Variants in ZYG11A observed in about 807,000 individuals in gnomAD.
ZYG11A encodes protein zyg-11 homolog A.
ZYG11A carries 62 observed loss-of-function variants against 77.2 expected under a neutral mutation model. The ratio of observed to expected loss-of-function variants is 0.80; its 90% CI spans 0.65 to 0.99. ZYG11A has a LOEUF of 0.99. Ranked by LOEUF, ZYG11A falls within the 50% of genes least tolerant of loss-of-function variation. ZYG11A has a pLI of 0.00. For synonymous variants in ZYG11A, 315 were observed against 324.6 expected (o/e 0.97, Z 0.32); for missense variants, 828 against 896.8 (o/e 0.92, Z 0.98).
intron 8 of ZYG11A, among the ~76,000 whole-genome samples, chr1:52,868,596 G>A (rs982448440): frequency 3.5e-4 from 53 of 151,914 alleles, no homozygotes; most frequent in Middle Eastern, 6.8e-3. Flanking sequence ...CTTGGACAAC[G>A]TGGTGAAACC....
intron 12 of ZYG11A, among the ~76,000 whole-genome samples, chr1:52,886,134 A>G (rs1001381547): frequency 6.6e-6 from 1 of 151,672 alleles, no homozygotes; most frequent in South Asian, 2.1e-4. Flanking sequence ...GGGTTTCACC[A>G]TGTTAGCCAG....
At chr1:52,869,708 A>G (rs1479177496) in intron 8 of ZYG11A, among the ~76,000 whole-genome samples, 1 of 151,658 alleles carries the variant, frequency 6.6e-6, no homozygotes, top group African/African-American at 2.4e-5. Context: ...CTCCTTTTCT[A>G]TTCCACAAAA....
At chr1:52,843,558 CCCCCGT>C (rs1300779248) in intron 1 of ZYG11A, among the ~76,000 whole-genome samples, 6 of 146,524 alleles carry the variant, frequency 4.1e-5, no homozygotes, top group African/African-American at 1.7e-4. Flanking sequence ...CGCGCGTCCG[CCCCCGT>C]CCCCGTCCCG....
At position 52,842,784 on chromosome 1, in the gene ZYG11A, G is replaced by A. The variant is rs1204458679; in HGVS notation, c.-100G>A. 3 of 1,158,378 alleles carry A rather than the reference G, an allele frequency of 2.6e-6. No individual in the cohort carries two copies. Among genetic ancestry groups the A allele is most frequent in the Non-Finnish European group, 3.7e-6 (3 of 819,008 alleles). 71.8% of individuals were successfully genotyped at this position (1,158,378 alleles called of 1,614,324 possible). A position where few individuals can be genotyped will look rare whatever the true frequency, so the allele number is the denominator to read the frequency against. On this transcript the variant is annotated 5_prime_UTR_variant, in exon 1 of 14. The change creates a new upstream start codon in the 5' untranslated region. Transcript: ENST00000371528. ...CGCTAGCTCCGTGTGCCTCGCAGGCGTGGTGGGCGCGTCCTGGCAGCCGCC... is the reference window on the plus strand; with the variant it reads ...CGCTAGCTCCGTGTGCCTCGCAGGCATGGTGGGCGCGTCCTGGCAGCCGCC...
At chr1:52,855,538 C>T (rs1400170104) in intron 2 of ZYG11A, among the ~76,000 whole-genome samples, 1 of 152,174 alleles carries the variant, frequency 6.6e-6, no homozygotes, top group Non-Finnish European at 1.5e-5. Flanking sequence ...AGAAAGAAAC[C>T]TTGTGCCCGT....
intron 8 of ZYG11A, among the ~76,000 whole-genome samples, chr1:52,875,755 G>T (rs1261943312): frequency 6.6e-6 from 1 of 151,066 alleles, no homozygotes; most frequent in African/African-American, 2.4e-5. Context: ...GAATAAAGAT[G>T]TTTGCTTTAG....
intron 13 of ZYG11A, among the ~76,000 whole-genome samples, chr1:52,888,608 T>C (rs973138514): frequency 6.6e-6 from 1 of 152,194 alleles, no homozygotes; most frequent in East Asian, 1.9e-4. Context: ...TCTGCCCGCC[T>C]CAGCCTCCCA....
chr1:52,870,033 C>CGGCT (rs1646122787), intron 8 of ZYG11A, among the ~76,000 whole-genome samples: 1 of 141,072 alleles, frequency 7.1e-6, no homozygotes, highest in African/African-American at 2.7e-5. Flanking sequence ...TCAGACGGGG[C>CGGCT]GGCCAGGCAG....
chr1:52,881,057 C>T (rs934760167), intron 10 of ZYG11A, among the ~76,000 whole-genome samples: 4 of 152,130 alleles, frequency 2.6e-5, no homozygotes, highest in South Asian at 4.1e-4. Context: ...TAAAAGATAA[C>T]GTAACATTGA....
At chr1:52,852,771 C>T (rs1437201705) in intron 1 of ZYG11A, among the ~76,000 whole-genome samples, 1 of 152,122 alleles carries the variant, frequency 6.6e-6, no homozygotes, top group Non-Finnish European at 1.5e-5. Flanking sequence ...TTTAAGACAC[C>T]TAAACTATCA....
chr1:52,850,750 G>A (rs1057084869), intron 1 of ZYG11A, among the ~76,000 whole-genome samples: 5 of 152,128 alleles, frequency 3.3e-5, no homozygotes, highest in Admixed American at 3.3e-4. Context: ...CACTATGTCT[G>A]GCCTGGTGTA....
In ZYG11A at chr1:52,857,360, C is replaced by G; in HGVS notation, c.619C>G (p.Leu207Val). The change falls in exon 3 of 14, where the codon CTG becomes GTG. Residue 207 changes from leucine to valine, a missense_variant. Coordinates refer to ENST00000371528, the MANE Select transcript of ZYG11A (RefSeq NM_001004339.3). Reference sequence around the variant, plus strand: ...GGCTAATGTTTCTCAGTTACCAAGACTGGAAAGCTTAGATATCTCTAATAC... The same window carrying G: ...GGCTAATGTTTCTCAGTTACCAAGAGTGGAAAGCTTAGATATCTCTAATAC... The part of the protein sequence containing the change: ...DLANVSQLPR[L>V]ESLDISNTLV... 6.4e-7 allele frequency: 1 copy of G among 1,551,768 alleles called. No individual in the cohort carries two copies. Among genetic ancestry groups the G allele is most frequent in the South Asian group, 1.2e-5 (1 of 84,042 alleles).
At chr1:52,886,475 G>A (rs1468079149) in intron 12 of ZYG11A, among the ~76,000 whole-genome samples, 2 of 152,000 alleles carry the variant, frequency 1.3e-5, no homozygotes, top group Admixed American at 6.6e-5. Flanking sequence ...TTGTATGCTC[G>A]GTCACAGGGA....
chr1:52,877,180 CTT>C lies in ZYG11A; in HGVS notation c.1543-498_1543-497del, dbSNP rs144016256. 7.9e-3 allele frequency among the ~76,000 whole-genome samples: 1,203 copies of C among 152,258 alleles called. 13 individuals are homozygous for C. The highest frequency in any genetic ancestry group is 0.027 in the African/African-American group (1,131 of 41,550). ...ATTTCTTACTGGGCTGGCTTATCCT[CTT>C]TTTCTTCTGGTCTCAGTTACATATT... On this transcript the variant is annotated intron_variant, in intron 8 of 13. Coordinates refer to ENST00000371528, the MANE Select transcript of ZYG11A (RefSeq NM_001004339.3).
At chr1:52,878,322 T>C (rs1320905714) in intron 10 of ZYG11A, among the ~76,000 whole-genome samples, 1 of 152,182 alleles carries the variant, frequency 6.6e-6, no homozygotes, top group African/African-American at 2.4e-5. Flanking sequence ...GGGTCTAAGA[T>C]GGCCTGACTC....
chr1:52,875,967 TTAGAG>T (rs1646254778), intron 8 of ZYG11A, among the ~76,000 whole-genome samples: 1 of 149,050 alleles, frequency 6.7e-6, no homozygotes, highest in South Asian at 2.1e-4. Flanking sequence ...GAAATTGAGT[TTAGAG>T]TAGAATAAAG....
chr1:52,892,121 G>C (rs1293928935), intron 13 of ZYG11A, among the ~76,000 whole-genome samples: 1 of 148,434 alleles, frequency 6.7e-6, no homozygotes, highest in Non-Finnish European at 1.5e-5. Context: ...GGATGGTCTC[G>C]ATCTCCTGAC....
chr1:52,842,910 C>T lies in ZYG11A; in HGVS notation c.27C>T (p.His9=), dbSNP rs747395812. 6 of 1,530,482 alleles carry T rather than the reference C, an allele frequency of 3.9e-6. No individual in the cohort carries two copies. In the East Asian group the frequency reaches 1.6e-4, roughly 40 times the overall value. 94.8% of individuals were successfully genotyped at this position (1,530,482 alleles called of 1,614,324 possible). The change falls in exon 1 of 14, where the codon CAC becomes CAT. Residue 9 remains histidine, a synonymous_variant. Coordinates refer to ENST00000371528, the MANE Select transcript of ZYG11A (RefSeq NM_001004339.3). MVHFLHPG[H]TPRNIVPPDA... ...TGGTTCATTTCTTGCACCCGGGCCACACGCCCCGGAACATCGTCCCTCCTG... is the reference window on the plus strand; with the variant it reads ...TGGTTCATTTCTTGCACCCGGGCCATACGCCCCGGAACATCGTCCCTCCTG...
chr1:52,850,292 C>G (rs921157768), intron 1 of ZYG11A, among the ~76,000 whole-genome samples: 1 of 151,410 alleles, frequency 6.6e-6, no homozygotes, highest in Non-Finnish European at 1.5e-5. Context: ...CTGGGACTTA[C>G]AGGCGCAAGC....
Sources: allele counts gnomAD v4.1 joint callset (sites outside exome capture counted in the v4.1 genomes callset), GRCh38; gene constraint gnomAD v4.1.1; transcripts MANE v1.5; gene names NCBI Gene and HGNC (gene_info 2026-07-23, HGNC 2026-07-21).